PCDH11X: variants seen among roughly 807,000 people sequenced by gnomAD.
The protein encoded by PCDH11X is protocadherin 11 X-linked, also known as protocadherin-11 X-linked.
A neutral mutation model predicts 53.3 loss-of-function variants in PCDH11X; 18 were observed. The ratio of observed to expected loss-of-function variants is 0.34; its 90% CI spans 0.23 to 0.50. The LOEUF is 0.50. Among genes scored for constraint, PCDH11X ranks in the 20% least tolerant of loss-of-function variants. The pLI is 0.98. For synonymous variants in PCDH11X, 279 were observed against 393.3 expected, an observed-to-expected ratio of 0.71 and a Z score of 3.44; for missense variants, 570 against 1,032.4, an observed-to-expected ratio of 0.55 and a Z score of 6.14.
intron 8 of PCDH11X, among the ~76,000 whole-genome samples, chrX:92,385,352 G>T (rs1603296737): frequency 9.7e-6 from 1 of 103,065 alleles, no homozygotes; most frequent in East Asian, 3.0e-4. Flanking sequence ...TTTCACTGTG[G>T]GTTCTAGATA....
At chrX:92,136,314 C>A (rs2065082604) in intron 6 of PCDH11X, among the ~76,000 whole-genome samples, 1 of 110,319 alleles carries the variant, frequency 9.1e-6, no homozygotes, top group South Asian at 3.9e-4. Context: ...AGCAAGAATA[C>A]CAGAATCTCT....
chrX:92,185,000 A>G (rs899777396), intron 6 of PCDH11X, among the ~76,000 whole-genome samples: 3 of 112,087 alleles, frequency 2.7e-5, no homozygotes, highest in Non-Finnish European at 3.8e-5. Flanking sequence ...TCTTCCAGAT[A>G]ATTCAGAATA....
chrX:91,804,217 T>C (rs1296315074), intron 1 of PCDH11X, among the ~76,000 whole-genome samples: 1 of 112,180 alleles, frequency 8.9e-6, no homozygotes, highest in Admixed American at 9.5e-5. Context: ...TATTGTATCC[T>C]TAAAATATGC....
chrX:92,015,042 A>T, intron 6 of PCDH11X, among the ~76,000 whole-genome samples: 1 of 112,150 alleles, frequency 8.9e-6, no homozygotes, highest in South Asian at 3.7e-4. Flanking sequence ...TAATAAAAAT[A>T]AATAAATGAA....
intron 6 of PCDH11X, among the ~76,000 whole-genome samples, chrX:92,064,853 G>A (rs1193607495): frequency 2.0e-5 from 2 of 102,193 alleles, no homozygotes; most frequent in African/African-American, 7.9e-5. Context: ...TGCTGGGAAA[G>A]CGGGTAGCTT....
chrX:92,015,399 A>G (rs1489435418), intron 6 of PCDH11X, among the ~76,000 whole-genome samples: 1 of 112,173 alleles, frequency 8.9e-6, no homozygotes, highest in African/African-American at 3.2e-5. Context: ...CCTGACAAAA[A>G]TACTCTGTAG....
chrX:92,242,318 G>A (rs2067276057), intron 7 of PCDH11X, among the ~76,000 whole-genome samples: 1 of 110,368 alleles, frequency 9.1e-6, no homozygotes, highest in Admixed American at 9.7e-5. Context: ...GGCTGAGGTA[G>A]AAGGATTGCT....
chrX:92,521,535 T>A (rs2074370354), intron 10 of PCDH11X, among the ~76,000 whole-genome samples: 1 of 112,339 alleles, frequency 8.9e-6, no homozygotes, highest in Non-Finnish European at 1.9e-5. Context: ...GCGTAATTCT[T>A]AAGTGCCCTA....
At chrX:92,518,824 T>C (rs1404977929) in intron 10 of PCDH11X, among the ~76,000 whole-genome samples, 1 of 95,824 alleles carries the variant, frequency 1.0e-5, no homozygotes, top group African/African-American at 3.9e-5. Context: ...TGGTGTGATC[T>C]CGGCTCACTG....
intron 10 of PCDH11X, among the ~76,000 whole-genome samples, chrX:92,599,971 A>T (rs924935478): frequency 2.7e-5 from 3 of 110,257 alleles, no homozygotes; most frequent in Non-Finnish European, 5.7e-5. Context: ...TTTGAACATG[A>T]GAGAGATGAT....
intron 8 of PCDH11X, chrX:92,287,818 G>A (rs1006717622): frequency 1.4e-5 from 6 of 420,147 alleles, no homozygotes; most frequent in African/African-American, 2.5e-5. Flanking sequence ...TGTTGTAGGA[G>A]GGACCTGGTG....
intron 9 of PCDH11X, among the ~76,000 whole-genome samples, chrX:92,451,742 ATTTG>A (rs2072785165): frequency 8.9e-6 from 1 of 111,941 alleles, no homozygotes; most frequent in African/African-American, 3.2e-5. Context: ...TGGCATTCTA[ATTTG>A]TTTGTAGTTG....
At chrX:91,992,351 T>A (rs1306794403) in intron 6 of PCDH11X, among the ~76,000 whole-genome samples, 1 of 106,771 alleles carries the variant, frequency 9.4e-6, no homozygotes, top group Non-Finnish European at 1.9e-5. Flanking sequence ...GCTCACTGAC[T>A]TTTGGAAGGG....
In PCDH11X at chrX:91,883,480, G is replaced by T. The variant is rs374225160; in HGVS notation, c.3033+4207G>T. On this transcript the variant is annotated intron_variant, in intron 6 of 10. Coordinates refer to ENST00000682573, the MANE Select transcript of PCDH11X (RefSeq NM_032968.5). Reference sequence around the variant, plus strand: ...ATATTCACTAACATAATATTGCTGAGAAAATCATTTTTATTACCCACCACT... The same window carrying T: ...ATATTCACTAACATAATATTGCTGATAAAATCATTTTTATTACCCACCACT... The T allele has an allele frequency of 1.1e-5, 8 of 752,549 alleles. No homozygotes were observed. The East Asian group carries it at 4.6e-4, about 43-fold the overall frequency. The allele number at this position is 752,549 out of a possible 1,213,427, so 62.0% of individuals were successfully genotyped here.
At chrX:92,537,931 T>C (rs2074694989) in intron 10 of PCDH11X, among the ~76,000 whole-genome samples, 1 of 107,110 alleles carries the variant, frequency 9.3e-6, no homozygotes, top group Non-Finnish European at 1.9e-5. Context: ...TAAAATCATA[T>C]CATCTGCAAA....
At chrX:92,118,613 G>A (rs1176418542) in intron 6 of PCDH11X, among the ~76,000 whole-genome samples, 2 of 108,581 alleles carry the variant, frequency 1.8e-5, no homozygotes, top group Non-Finnish European at 3.8e-5. Flanking sequence ...GTATAAACAC[G>A]TATCTTTTAA....
intron 8 of PCDH11X, among the ~76,000 whole-genome samples, chrX:92,307,319 AACAATGTAAT>A (rs2068852688): frequency 9.0e-6 from 1 of 111,147 alleles, no homozygotes; most frequent in African/African-American, 3.3e-5. Context: ...ATTAAAATCA[AACAATGTAAT>A]ACACTACATT....
chrX:91,998,982 C>T (rs866234280), intron 6 of PCDH11X, among the ~76,000 whole-genome samples: 4 of 110,022 alleles, frequency 3.6e-5, no homozygotes, highest in African/African-American at 1.3e-4. Flanking sequence ...GATGCAAACA[C>T]GGCTCACTGC....
chrX:92,176,751 T>G (rs945607746), intron 6 of PCDH11X, among the ~76,000 whole-genome samples: 2 of 110,588 alleles, frequency 1.8e-5, no homozygotes, highest in African/African-American at 6.6e-5. Context: ...TATGTTGGAG[T>G]GCGAGAAGAG....
Sources: allele counts gnomAD v4.1 joint callset (sites outside exome capture counted in the v4.1 genomes callset), GRCh38; gene constraint gnomAD v4.1.1; transcripts MANE v1.5; gene names NCBI Gene and HGNC (gene_info 2026-07-23, HGNC 2026-07-21).